TAF5L: variants seen among roughly 807,000 people sequenced by gnomAD.
TAF5L encodes TATA-box binding protein associated factor 5 like.
TAF5L carries 7 observed loss-of-function variants against 51.3 expected under a neutral mutation model. The ratio of observed to expected loss-of-function variants is 0.14; its 90% CI spans 0.08 to 0.26. The LOEUF is 0.26. Among genes scored for constraint, TAF5L ranks in the 10% least tolerant of loss-of-function variants. TAF5L has a pLI of 1.00. For missense variants in TAF5L, 575 were observed against 758.9 expected, an observed-to-expected ratio of 0.76 and a Z score of 2.85; for synonymous variants, 291 against 308.1, an observed-to-expected ratio of 0.94 and a Z score of 0.58.
chr1:229,601,931 G>T, intron 4 of TAF5L: 1 of 1,245,064 alleles, frequency 8.0e-7, no homozygotes, highest in Non-Finnish European at 1.0e-6. Context: ...TCTTTCATTA[G>T]GCTTAGTGTT....
At chr1:229,609,646 C>T (rs534828671) in intron 3 of TAF5L, among the ~76,000 whole-genome samples, 16 of 152,290 alleles carry the variant, frequency 1.1e-4, no homozygotes, top group East Asian at 1.9e-4. Context: ...TTTGGAAATA[C>T]GGGGCAAAGA....
chr1:229,599,671 T>C (rs1308353932), intron 4 of TAF5L: 1 of 283,722 alleles, frequency 3.5e-6, no homozygotes, highest in African/African-American at 2.3e-5. Flanking sequence ...ACATTTTATT[T>C]ATTCATTCAT....
chr1:229,595,109 G>A lies in TAF5L; in HGVS notation c.973-15C>T, dbSNP rs1664070493. ...TCCTCATCATCCTGGGAACAGTGGG[G>A]TGGGGTGGGAAAAGAAACACACACA... On this transcript the variant is annotated splice_polypyrimidine_tract_variant and intron_variant, in intron 4 of 4. Coordinates refer to ENST00000258281, the Ensembl canonical transcript of TAF5L. 1 of 1,559,138 alleles carries A rather than the reference G, an allele frequency of 6.4e-7. No individual in the cohort carries two copies.
chr1:229,601,172 A>C (rs1664357667), intron 4 of TAF5L: 1 of 985,468 alleles, frequency 1.0e-6, no homozygotes, highest in Non-Finnish European at 1.2e-6. Flanking sequence ...CAAAAATTCA[A>C]AGGCCATCCT....
chr1:229,613,220 A>G (rs1664850536), intron 2 of TAF5L, among the ~76,000 whole-genome samples: 1 of 151,156 alleles, frequency 6.6e-6, no homozygotes, highest in Non-Finnish European at 1.5e-5. Context: ...GGTCCAAGCT[A>G]CTTGGTAGGC....
At chr1:229,597,704 A>G (rs1330502137) in intron 4 of TAF5L, among the ~76,000 whole-genome samples, 1 of 152,250 alleles carries the variant, frequency 6.6e-6, no homozygotes, top group Non-Finnish European at 1.5e-5. Context: ...TTAATTTGTA[A>G]AGCATATTCA....
intron 3 of TAF5L, chr1:229,606,796 T>C (rs530253148): frequency 2.0e-6 from 2 of 985,420 alleles, no homozygotes; most frequent in East Asian, 1.1e-4. Flanking sequence ...CTCCAAAGGC[T>C]GTGTTCTTCC....
Position 229,602,067 on chromosome 1 carries a change from A to G in TAF5L, c.972+128T>C. ...ATTCAATGGCTACAGGTAACATGTCATTAGTCTGGCTTTAGCTATATGATG... is the reference window on the plus strand; with the variant it reads ...ATTCAATGGCTACAGGTAACATGTCGTTAGTCTGGCTTTAGCTATATGATG... On this transcript the variant is annotated intron_variant, in intron 4 of 4. Transcript: ENST00000258281. The surrounding 1 kb of genome is among the most constrained non-coding windows in gnomAD (Gnocchi z 4.6). The G allele has an allele frequency of 1.3e-6, 2 of 1,499,414 alleles. No homozygotes were observed. Among genetic ancestry groups the G allele is most frequent in the Admixed American group, 4.8e-5 (2 of 41,924 alleles). 92.9% of individuals were successfully genotyped at this position (1,499,414 alleles called of 1,614,324 possible). A position where few individuals can be genotyped will look rare whatever the true frequency, so the allele number is the denominator to read the frequency against.
rs1028220406 is a variant in TAF5L, at chr1:229,601,666, T to C, written c.972+529A>G. 5 of 989,650 alleles carry C rather than the reference T, an allele frequency of 5.1e-6. No individual in the cohort carries two copies. The African/African-American group carries it at 8.7e-5, about 17-fold the overall frequency. The allele number at this position is 989,650 out of a possible 1,614,324, so 61.3% of individuals were successfully genotyped here. A position where few individuals can be genotyped will look rare whatever the true frequency, so the allele number is the denominator to read the frequency against. On this transcript the variant is annotated intron_variant, in intron 4 of 4. Transcript: ENST00000258281. ...CCCCGGGGTACATGGAGCCACAGGA[T>C]ATGCACTGGCCTCAGAAAGCCAATA...
chr1:229,609,032 C>T (rs1664699985), intron 3 of TAF5L, among the ~76,000 whole-genome samples: 1 of 152,160 alleles, frequency 6.6e-6, no homozygotes, highest in Admixed American at 6.5e-5. Context: ...AATTATCTGG[C>T]TTCTTTGAGC....
chr1:229,618,682 A>G (rs1004015636), intron 1 of TAF5L, among the ~76,000 whole-genome samples: 2 of 152,196 alleles, frequency 1.3e-5, no homozygotes, highest in African/African-American at 4.8e-5. Flanking sequence ...CATCCTCTTA[A>G]GATGCTGTCA....
rs145182309 is a variant in TAF5L at position 229,594,885 on chromosome 1, T to C, written c.1182A>G (p.Pro394=). The C allele has an allele frequency of 1.3e-4, 210 of 1,614,114 alleles. No individual in the cohort carries two copies. The highest frequency in any genetic ancestry group is 1.7e-4 in the Non-Finnish European group (204 of 1,180,046). The change falls in exon 5 of 5, where the codon CCA becomes CCG. Residue 394 remains proline (P), a synonymous_variant. Coordinates refer to ENST00000258281, the Ensembl canonical transcript of TAF5L. The surrounding 1 kb of genome is among the most constrained non-coding windows in gnomAD (Gnocchi z 7.9). ...ACCCGCTGGCGAAGTACAGGCTATATGGACTGATGTCCAGATCCCACACAG... is the reference window on the plus strand; with the variant it reads ...ACCCGCTGGCGAAGTACAGGCTATACGGACTGATGTCCAGATCCCACACAG...
intron 4 of TAF5L, among the ~76,000 whole-genome samples, chr1:229,596,042 G>A (rs1664112552): frequency 6.6e-6 from 1 of 152,220 alleles, no homozygotes; most frequent in Non-Finnish European, 1.5e-5. Context: ...GGGAGGCCAA[G>A]GCAGGAGGAT....
chr1:229,594,107 T>A lies in TAF5L; in HGVS notation c.*190A>T, dbSNP rs538972188. ...TGATCACTCATCATTGCCTCTCTCC[T>A]GTTCCCCTCCCCAACCTTGGCCTTC... On this transcript the variant is annotated 3_prime_UTR_variant, in exon 5 of 5. Coordinates refer to ENST00000258281, the Ensembl canonical transcript of TAF5L. The surrounding 1 kb of genome is among the most constrained non-coding windows in gnomAD (Gnocchi z 7.9). The A allele has an allele frequency of 6.4e-6, 4 of 629,918 alleles. No individual in the cohort carries two copies. In the East Asian group the frequency reaches 1.2e-4, roughly 18 times the overall value. 39.0% of individuals were successfully genotyped at this position (629,918 alleles called of 1,614,324 possible).
chr1:229,609,065 C>T (rs985744466), intron 3 of TAF5L, among the ~76,000 whole-genome samples: 1 of 152,180 alleles, frequency 6.6e-6, no homozygotes, highest in Non-Finnish European at 1.5e-5. Context: ...TTCGTTCAGC[C>T]TGTATTTATG....
chr1:229,613,050 G>A (rs1445153071), intron 2 of TAF5L, among the ~76,000 whole-genome samples: 1 of 151,956 alleles, frequency 6.6e-6, no homozygotes, highest in Admixed American at 6.6e-5. Flanking sequence ...TTACACAGTG[G>A]CTCACACCTG....
chr1:229,605,000 C>T (rs1257630365), intron 3 of TAF5L, among the ~76,000 whole-genome samples: 1 of 152,108 alleles, frequency 6.6e-6, no homozygotes, highest in Non-Finnish European at 1.5e-5. Flanking sequence ...TACAGTGGCG[C>T]GATCTCGGCT....
At chr1:229,614,529 G>C in intron 1 of TAF5L, 44 bp from the exon 2 acceptor site, 1 of 1,604,316 alleles carries the variant, frequency 6.2e-7, no homozygotes, top group South Asian at 1.1e-5. Context: ...TCAGGGGCCT[G>C]GGAGAGCAAC....
Position 229,606,893 on chromosome 1 carries a change from C to T in TAF5L, c.247+3213G>A, listed in dbSNP as rs79131269. ...ACAGACAACCTGTGGAGGAAAAATA[C>T]ATTCAGGTGGATATAGACATAGATA... On this transcript the variant is annotated intron_variant, in intron 3 of 4. Coordinates refer to ENST00000258281, the Ensembl canonical transcript of TAF5L. 2.8e-3 allele frequency: 2,782 copies of T among 985,412 alleles called. 57 individuals are homozygous for T. In the African/African-American group the frequency reaches 0.046, roughly 16 times the overall value. The allele number at this position is 985,412 out of a possible 1,614,324, so 61.0% of individuals were successfully genotyped here.
Sources: allele counts gnomAD v4.1 joint callset (sites outside exome capture counted in the v4.1 genomes callset), GRCh38; gene constraint gnomAD v4.1.1; non-coding constraint Gnocchi (gnomAD v3.1); transcripts MANE v1.5; gene names NCBI Gene and HGNC (gene_info 2026-07-23, HGNC 2026-07-21).